SLC39A12: variants seen among roughly 807,000 people sequenced by gnomAD.
SLC39A12 encodes zinc transporter ZIP12.
Under a neutral mutation model 71.1 loss-of-function variants are expected in SLC39A12, and 63 were observed. The ratio of observed to expected loss-of-function variants is 0.89; its 90% CI spans 0.72 to 1.09. The LOEUF is 1.09. SLC39A12 is among the 50% of genes least tolerant of loss of function. SLC39A12 has a pLI of 0.00. For missense variants in SLC39A12, 892 were observed against 812.6 expected (o/e 1.10, Z -1.19); for synonymous variants, 351 against 301.3 (o/e 1.16, Z -1.71).
At chr10:18,008,496 A>G (rs1589245309) in intron 12 of SLC39A12, 1 of 152,344 alleles carries the variant, frequency 6.6e-6, no homozygotes. Flanking sequence ...TAATAGAAAT[A>G]AAGTACACAA....
intron 3 of SLC39A12, among the ~76,000 whole-genome samples, chr10:17,963,202 G>A (rs1414414233): frequency 6.6e-6 from 1 of 151,970 alleles, no homozygotes; most frequent in African/African-American, 2.4e-5. Flanking sequence ...AAGAAAAAGG[G>A]GTTCCTTTAC....
chr10:18,011,002 G>A (rs984675258), intron 12 of SLC39A12, among the ~76,000 whole-genome samples: 3 of 151,712 alleles, frequency 2.0e-5, no homozygotes, highest in Non-Finnish European at 1.5e-5. Flanking sequence ...TTTTCATTTC[G>A]TTTCTCTTTT....
intron 7 of SLC39A12, among the ~76,000 whole-genome samples, chr10:17,988,736 G>C (rs961025581): frequency 5.3e-5 from 8 of 152,166 alleles, no homozygotes; most frequent in African/African-American, 1.4e-4. Context: ...TCTGTGCCCA[G>C]CTCCCTCCTG....
chr10:17,952,489 T>G (rs1834427066), intron 1 of SLC39A12, among the ~76,000 whole-genome samples: 2 of 136,294 alleles, frequency 1.5e-5, no homozygotes. Context: ...TTTTTCTTTT[T>G]TCTTTTTTTT....
rs1180552814 is a variant in SLC39A12 at position 17,981,465 on chromosome 10, C to A, written c.1078C>A (p.Pro360Thr). The A allele has an allele frequency of 6.2e-7, 1 of 1,612,752 alleles. No homozygotes were observed. Among genetic ancestry groups the A allele is most frequent in the Non-Finnish European group, 8.5e-7 (1 of 1,179,294 alleles). The change falls in exon 6 of 13, where the codon CCA (proline) becomes ACA (threonine). Residue 360 changes from proline to threonine, a missense_variant. Pro to Thr is a conservative substitution (Grantham distance 38). Coordinates refer to ENST00000377369, the MANE Select transcript of SLC39A12 (RefSeq NM_001145195.2). ...HLPKDQQAKLPPTTLEKYGYS... is the reference protein window; with the variant it reads ...HLPKDQQAKLTPTTLEKYGYS... ...ACCCAAGGACCAACAAGCAAAGCTG[C>A]CACCTACCACTCTGGAGAGTAAGTT...
chr10:18,038,362 G>A (rs1263823046), intron 12 of SLC39A12, among the ~76,000 whole-genome samples: 2 of 152,082 alleles, frequency 1.3e-5, no homozygotes, highest in Non-Finnish European at 2.9e-5. Context: ...TAATGGATTG[G>A]ACAATTGTTT....
chr10:17,999,192 G>A (rs1244691354), intron 10 of SLC39A12, among the ~76,000 whole-genome samples: 1 of 149,838 alleles, frequency 6.7e-6, no homozygotes, highest in Admixed American at 6.7e-5. Flanking sequence ...CAGCAACTCG[G>A]GAGGCTGAGA....
At chr10:17,965,403 T>G in intron 3 of SLC39A12, 80 bp from the exon 4 acceptor site, 2 of 1,312,018 alleles carry the variant, frequency 1.5e-6, no homozygotes, top group Non-Finnish European at 2.2e-6. Flanking sequence ...CTTATCCCTT[T>G]AGGGGGAAAT....
At chr10:18,028,230 A>G (rs1836732666) in intron 12 of SLC39A12, among the ~76,000 whole-genome samples, 1 of 152,250 alleles carries the variant, frequency 6.6e-6, no homozygotes, top group Non-Finnish European at 1.5e-5. Context: ...AGACGTCTCT[A>G]AATGTCATCA....
At chr10:17,987,913 C>T (rs943702938) in intron 7 of SLC39A12, among the ~76,000 whole-genome samples, 1 of 152,148 alleles carries the variant, frequency 6.6e-6, no homozygotes, top group Non-Finnish European at 1.5e-5. Flanking sequence ...GTGGCTCACA[C>T]CTGTAATCCC....
chr10:17,984,856 C>T (rs1835360768), intron 6 of SLC39A12, among the ~76,000 whole-genome samples: 1 of 152,122 alleles, frequency 6.6e-6, no homozygotes, highest in Non-Finnish European at 1.5e-5. Flanking sequence ...GCTTGTAAAC[C>T]ATTTTATAGG....
At chr10:17,958,996 G>A (rs181719643) in intron 2 of SLC39A12, among the ~76,000 whole-genome samples, 24 of 152,222 alleles carry the variant, frequency 1.6e-4, no homozygotes, top group Admixed American at 5.2e-4. Context: ...ATAACTGAAT[G>A]CAAAAGATAC....
intron 12 of SLC39A12, among the ~76,000 whole-genome samples, chr10:18,037,403 G>C (rs778641227): frequency 6.6e-6 from 1 of 152,126 alleles, no homozygotes; most frequent in Non-Finnish European, 1.5e-5. Flanking sequence ...GATAGAAACA[G>C]TGAATCTCAG....
chr10:18,022,595 C>G (rs1836563630), intron 12 of SLC39A12, among the ~76,000 whole-genome samples: 1 of 152,152 alleles, frequency 6.6e-6, no homozygotes, highest in African/African-American at 2.4e-5. Context: ...TCTCGATGAT[C>G]TTTGTTGCTA....
intron 12 of SLC39A12, among the ~76,000 whole-genome samples, chr10:18,015,699 G>A (rs181740468): frequency 3.9e-5 from 6 of 152,104 alleles, no homozygotes; most frequent in Non-Finnish European, 8.8e-5. Flanking sequence ...AGTACAGAAT[G>A]AACCATAATC....
intron 4 of SLC39A12, among the ~76,000 whole-genome samples, chr10:17,972,816 G>C (rs1235064767): frequency 6.6e-6 from 1 of 151,822 alleles, no homozygotes; most frequent in Admixed American, 6.6e-5. Flanking sequence ...TTTGATTGGA[G>C]AGTTTAGTTC....
intron 4 of SLC39A12, among the ~76,000 whole-genome samples, chr10:17,971,154 T>C (rs1000321842): frequency 6.6e-6 from 1 of 151,892 alleles, no homozygotes; most frequent in African/African-American, 2.4e-5. Context: ...AGGGCATAAA[T>C]CCCACTTAGT....
chr10:18,020,224 G>A (rs1183545562), intron 12 of SLC39A12, among the ~76,000 whole-genome samples: 1 of 151,928 alleles, frequency 6.6e-6, no homozygotes, highest in Non-Finnish European at 1.5e-5. Flanking sequence ...GCGGTATTTG[G>A]TTTTCTGTTC....
chr10:17,961,649 G>A lies in SLC39A12; in HGVS notation c.330G>A (p.Val110=). Residue 110 remains valine, a synonymous_variant, in exon 3 of 13, where the codon GTG becomes GTA. Transcript: ENST00000377369. Reference sequence around the variant, plus strand: ...TTGAAGATCAGCTTAGAGAAGAAGTGGTCCAGAGAGTTTCTCTTCTCCTTC... The same window carrying A: ...TTGAAGATCAGCTTAGAGAAGAAGTAGTCCAGAGAGTTTCTCTTCTCCTTC... The part of the protein sequence containing the change: ...GNFEDQLREE[V]VQRVSLLLLY... The A allele has an allele frequency of 6.2e-7, 1 of 1,613,914 alleles. No homozygotes were observed. Among genetic ancestry groups the A allele is most frequent in the South Asian group, 1.1e-5 (1 of 91,068 alleles).
Sources: gnomAD v4.1 joint callset for allele counts (sites outside exome capture counted in the v4.1 genomes callset) on GRCh38, gnomAD v4.1.1 for gene constraint, MANE v1.5 for transcripts, NCBI Gene and HGNC (gene_info 2026-07-23, HGNC 2026-07-21) for gene names.